KIF6: variants seen among roughly 807,000 people sequenced by gnomAD.
The protein encoded by KIF6 is kinesin family member 6.
Under a neutral mutation model 112.7 loss-of-function variants are expected in KIF6, and 106 were observed. That is an observed-to-expected ratio of 0.94 (90% CI 0.80 to 1.11). KIF6 has a LOEUF of 1.11. Ranked by LOEUF, KIF6 falls within the 50% of genes least tolerant of loss-of-function variation. The pLI, the probability that KIF6 is intolerant of heterozygous loss-of-function variation, is 0.00. For synonymous variants in KIF6, 339 were observed against 339.9 expected, an observed-to-expected ratio of 1.00 and a Z score of 0.03; for missense variants, 929 against 964.0, an observed-to-expected ratio of 0.96 and a Z score of 0.48.
chr6:39,377,407 C>T (rs571316075), intron 16 of KIF6, among the ~76,000 whole-genome samples: 20 of 150,272 alleles, frequency 1.3e-4, no homozygotes, highest in African/African-American at 4.6e-4. Flanking sequence ...AGTGGCTCCT[C>T]TCCATATCCT....
chr6:39,381,902 T>C (rs566704696), intron 16 of KIF6, among the ~76,000 whole-genome samples: 1 of 152,340 alleles, frequency 6.6e-6, no homozygotes, highest in African/African-American at 2.4e-5. Context: ...TAACACCTGC[T>C]GTAATTCAGA....
At chr6:39,634,984 T>C in intron 4 of KIF6, 26 bp from the exon 5 acceptor site, 1 of 1,240,484 alleles carries the variant, frequency 8.1e-7, no homozygotes, top group Non-Finnish European at 1.2e-6. Context: ...AAAGGTATTA[T>C]TTATCGGTTA....
At chr6:39,572,077 G>A (rs1780670236) in intron 10 of KIF6, among the ~76,000 whole-genome samples, 1 of 152,028 alleles carries the variant, frequency 6.6e-6, no homozygotes, top group Non-Finnish European at 1.5e-5. Flanking sequence ...GTAATAAACT[G>A]CTATTACATT....
At chr6:39,353,561 G>A (rs1394513463) in intron 19 of KIF6, among the ~76,000 whole-genome samples, 4 of 152,132 alleles carry the variant, frequency 2.6e-5, no homozygotes, top group Non-Finnish European at 5.9e-5. Flanking sequence ...TTTGCAGAGT[G>A]GTGTTTTAAT....
intron 13 of KIF6, among the ~76,000 whole-genome samples, chr6:39,461,195 T>C (rs972223835): frequency 7.9e-5 from 12 of 152,292 alleles, no homozygotes; most frequent in Middle Eastern, 3.4e-3. Flanking sequence ...AGAGTAAAGT[T>C]AACAATAAAT....
At chr6:39,413,604 AC>A (rs1257522671) in intron 15 of KIF6, among the ~76,000 whole-genome samples, 2 of 152,086 alleles carry the variant, frequency 1.3e-5, no homozygotes, top group Non-Finnish European at 2.9e-5. Context: ...GTCCCTTTCA[AC>A]GAAGGTACGA....
chr6:39,626,173 C>T (rs1007496238), intron 5 of KIF6, among the ~76,000 whole-genome samples: 5 of 152,128 alleles, frequency 3.3e-5, no homozygotes. Flanking sequence ...CCACAGAATC[C>T]AGGGCATCTT....
Position 39,352,813 on chromosome 6 carries a change from A to AG in KIF6, c.2180+4463dup, listed in dbSNP as rs1764362164. ...GAGGTTGGGTTTCACCATGTTGGCC[A>AG]GGCTGCTCTTGAATTCCTGACCTCA... On this transcript the variant is annotated intron_variant, in intron 19 of 22. Coordinates refer to ENST00000287152, the MANE Select transcript of KIF6 (RefSeq NM_145027.6). 2.0e-5 allele frequency among the ~76,000 whole-genome samples: 3 copies of AG among 152,302 alleles called. No homozygotes were observed. In the South Asian group the frequency reaches 6.2e-4, roughly 32 times the overall value.
At chr6:39,592,923 C>A (rs1169964924) in intron 7 of KIF6, among the ~76,000 whole-genome samples, 1 of 152,124 alleles carries the variant, frequency 6.6e-6, no homozygotes, top group Non-Finnish European at 1.5e-5. Flanking sequence ...CCAATGTAGG[C>A]TAATTAAGGT....
chr6:39,357,448 C>CTT lies in KIF6; in HGVS notation c.2083-76_2083-75dup, dbSNP rs552350303. Reference sequence around the variant, plus strand: ...ATAGGAAGATGTTTTTGATGTAATTCTTTTTTTTTTTTTTTTTTGAGATGG... The same window carrying CTT: ...ATAGGAAGATGTTTTTGATGTAATTCTTTTTTTTTTTTTTTTTTTTGAGATGG... On this transcript the variant is annotated intron_variant, in intron 18 of 22. Transcript: ENST00000287152. 3.3e-3 allele frequency: 1,789 copies of CTT among 543,538 alleles called. 8 individuals carry two copies. Among genetic ancestry groups the CTT allele is most frequent in the African/African-American group, 0.016 (741 of 45,382 alleles). The allele number at this position is 543,538 out of a possible 1,614,324, so 33.7% of individuals were successfully genotyped here. A position where few individuals can be genotyped will look rare whatever the true frequency, so the allele number is the denominator to read the frequency against.
chr6:39,354,437 C>T (rs900542487), intron 19 of KIF6, among the ~76,000 whole-genome samples: 1 of 152,166 alleles, frequency 6.6e-6, no homozygotes, highest in Admixed American at 6.5e-5. Context: ...GAAGTTATGT[C>T]CTTACCTCAT....
rs186995015 is a variant in KIF6, at chr6:39,343,931, C to T, written c.2322-116G>A. ...ATCTCACTCAGAAAGCTACATGACACGGCTGGCCTGCTTCTCACTCCCTCC... is the reference window on the plus strand; with the variant it reads ...ATCTCACTCAGAAAGCTACATGACATGGCTGGCCTGCTTCTCACTCCCTCC... On this transcript the variant is annotated intron_variant, in intron 21 of 22. Transcript: ENST00000287152. The surrounding 1 kb of genome is among the most constrained non-coding windows in gnomAD (Gnocchi z 4.1). The T allele has an allele frequency of 5.7e-4, 341 of 597,346 alleles. 3 individuals carry two copies. Among genetic ancestry groups the T allele is most frequent in the African/African-American group, 5.1e-3 (270 of 53,446 alleles). The allele number at this position is 597,346 out of a possible 1,614,324, so 37.0% of individuals were successfully genotyped here.
intron 6 of KIF6, among the ~76,000 whole-genome samples, chr6:39,611,797 C>G (rs77752897): frequency 6.6e-6 from 1 of 152,040 alleles, no homozygotes; most frequent in Non-Finnish European, 1.5e-5. Flanking sequence ...TGTCATCATA[C>G]GCCCAAATTC....
intron 14 of KIF6, among the ~76,000 whole-genome samples, chr6:39,430,655 A>C (rs190811923): frequency 2.0e-5 from 3 of 152,346 alleles, no homozygotes; most frequent in Admixed American, 6.5e-5. Context: ...TCTTTGACTA[A>C]GACAGGACTG....
In KIF6 at chr6:39,345,696, A is replaced by T; in HGVS notation, c.2321+4T>A. 5.6e-6 allele frequency: 9 copies of T among 1,611,928 alleles called. No individual in the cohort carries two copies. The highest frequency in any genetic ancestry group is 7.6e-6 in the Non-Finnish European group (9 of 1,178,960). On this transcript the variant is annotated splice_donor_region_variant and intron_variant, in intron 21 of 22. Transcript: ENST00000287152. ...CACAGGCATAACAGGAGAAGACCACAGACCTGTCTTCCAGTGGGGTGCTGG... is the reference window on the plus strand; with the variant it reads ...CACAGGCATAACAGGAGAAGACCACTGACCTGTCTTCCAGTGGGGTGCTGG...
At chr6:39,486,553 G>A (rs1480648581) in intron 13 of KIF6, among the ~76,000 whole-genome samples, 1 of 152,132 alleles carries the variant, frequency 6.6e-6, no homozygotes, top group Non-Finnish European at 1.5e-5. Context: ...ACCAAGTTTT[G>A]GAATAGTTTG....
intron 3 of KIF6, among the ~76,000 whole-genome samples, chr6:39,711,247 A>C (rs1789535743): frequency 6.7e-6 from 1 of 149,920 alleles, no homozygotes; most frequent in Non-Finnish European, 1.5e-5. Context: ...AAAACAAAAA[A>C]AGAAAAAAAT....
intron 13 of KIF6, among the ~76,000 whole-genome samples, chr6:39,439,401 ATGAT>A (rs753439100): frequency 2.0e-5 from 3 of 152,150 alleles, no homozygotes; most frequent in Admixed American, 6.5e-5. Context: ...TGAAATATGA[ATGAT>A]TAAGAGAAGC....
At chr6:39,689,446 C>G (rs535767321) in intron 3 of KIF6, among the ~76,000 whole-genome samples, 2 of 151,544 alleles carry the variant, frequency 1.3e-5, no homozygotes. Flanking sequence ...GCAATGAGCC[C>G]TGGTCACACC....
Sources: allele counts gnomAD v4.1 joint callset (sites outside exome capture counted in the v4.1 genomes callset), GRCh38; gene constraint gnomAD v4.1.1; non-coding constraint Gnocchi (gnomAD v3.1); transcripts MANE v1.5; gene names NCBI Gene and HGNC (gene_info 2026-07-23, HGNC 2026-07-21).